The following DGKB variants were observed in gnomAD, a reference collection of about 807,000 sequenced individuals.
DGKB encodes the protein diacylglycerol kinase beta.
DGKB carries 67 observed loss-of-function variants against 114.3 expected under a neutral mutation model. The ratio of observed to expected loss-of-function variants is 0.59; its 90% CI spans 0.48 to 0.72. The LOEUF (loss-of-function observed/expected upper bound fraction) is 0.72, where lower values mean the gene tolerates loss of function less well. DGKB is among the 30% of genes least tolerant of loss of function. The pLI is 0.00. For synonymous variants in DGKB, 398 were observed against 323.1 expected (o/e 1.23, Z -2.49); for missense variants, 907 against 975.2 (o/e 0.93, Z 0.93).
chr7:14,204,803 A>G (rs1786488229), intron 23 of DGKB, among the ~76,000 whole-genome samples: 1 of 152,048 alleles, frequency 6.6e-6, no homozygotes. Context: ...ACGTACGTTC[A>G]TGTAGATCAA....
Position 14,599,820 on chromosome 7 carries a change from T to C in DGKB, c.1433+7614A>G, listed in dbSNP as rs117250626. Reference sequence around the variant, plus strand: ...TTCTTATTTTTACTTATTGGTAAGCTATCATCAGTTAACTGCCTGGGGCTG... The same window carrying C: ...TTCTTATTTTTACTTATTGGTAAGCCATCATCAGTTAACTGCCTGGGGCTG... On this transcript the variant is annotated intron_variant, in intron 17 of 25. Coordinates refer to ENST00000402815, the MANE Select transcript of DGKB (RefSeq NM_001350709.2). Among the ~76,000 whole-genome samples the C allele has an allele frequency of 1.2e-4, 19 of 152,260 alleles. No homozygotes were observed. In the East Asian group the frequency reaches 2.9e-3, roughly 23 times the overall value.
intron 6 of DGKB, among the ~76,000 whole-genome samples, chr7:14,702,007 A>C (rs1200954835): frequency 6.6e-6 from 1 of 152,220 alleles, no homozygotes; most frequent in African/African-American, 2.4e-5. Flanking sequence ...TTACAAGATC[A>C]TTAAATGTCA....
chr7:14,882,668 C>G (rs574368162), intron 1 of DGKB, among the ~76,000 whole-genome samples: 1 of 152,052 alleles, frequency 6.6e-6, no homozygotes, highest in South Asian at 2.1e-4. Context: ...TTAGCACCCA[C>G]TTATGAGTAA....
chr7:14,493,893 C>A (rs1784925449), intron 20 of DGKB, among the ~76,000 whole-genome samples: 1 of 150,480 alleles, frequency 6.6e-6, no homozygotes, highest in Non-Finnish European at 1.5e-5. Flanking sequence ...ATAAAAAAGT[C>A]ATCATAAAAT....
intron 2 of DGKB, chr7:14,813,985 A>T (rs1273217595): frequency 1.3e-5 from 2 of 152,152 alleles, no homozygotes; most frequent in Non-Finnish European, 2.9e-5. Context: ...ATTCAATTTT[A>T]GTAATTGCTA....
intron 3 of DGKB, among the ~76,000 whole-genome samples, chr7:14,757,114 T>A (rs1034273083): frequency 1.3e-5 from 2 of 152,010 alleles, no homozygotes; most frequent in Admixed American, 1.3e-4. Context: ...TTTGTACAAG[T>A]TGGTTCCTTA....
chr7:14,583,711 G>A (rs1800297225), intron 17 of DGKB, among the ~76,000 whole-genome samples: 1 of 152,172 alleles, frequency 6.6e-6, no homozygotes, highest in African/African-American at 2.4e-5. Context: ...GGTTGACAGT[G>A]TTTTCCACCC....
intron 25 of DGKB, among the ~76,000 whole-genome samples, chr7:14,161,765 T>G (rs543761328): frequency 1.4e-4 from 22 of 152,076 alleles, no homozygotes; most frequent in Non-Finnish European, 2.6e-4. Flanking sequence ...TGTATACCTA[T>G]GTAACAAACC....
In DGKB at chr7:14,613,384, A is replaced by C. The variant is rs1476075784; in HGVS notation, c.1314T>G (p.Leu438=). 6.4e-7 allele frequency: 1 copy of C among 1,570,398 alleles called. No individual in the cohort carries two copies. Among genetic ancestry groups the C allele is most frequent in the South Asian group, 1.2e-5 (1 of 85,188 alleles). ...QVTPVPGTHP[L]LVFVNPKSGG... ...CACTTTTGGGGTTCACAAAAACTAA[A>C]AGTGGGTGAGTACCAGGCACAGGAG... Residue 438 remains leucine, a synonymous_variant, in exon 16 of 26, where the codon CTT becomes CTG. Coordinates refer to ENST00000402815, the MANE Select transcript of DGKB (RefSeq NM_001350709.2).
At chr7:14,229,877 A>G (rs1036911923) in intron 23 of DGKB, among the ~76,000 whole-genome samples, 8 of 152,020 alleles carry the variant, frequency 5.3e-5, no homozygotes, top group African/African-American at 1.9e-4. Flanking sequence ...AAAAATAAAT[A>G]TTAGACAAAT....
At chr7:14,970,712 CCT>C (rs1787414890) in intron 1 of DGKB, among the ~76,000 whole-genome samples, 2 of 152,232 alleles carry the variant, frequency 1.3e-5, no homozygotes, top group South Asian at 4.1e-4. Flanking sequence ...TAATTCTCCC[CCT>C]GACTCCCAAA....
intron 1 of DGKB, among the ~76,000 whole-genome samples, chr7:14,916,796 A>G (rs1784258891): frequency 6.6e-6 from 1 of 152,116 alleles, no homozygotes; most frequent in Non-Finnish European, 1.5e-5. Context: ...ACTATATCTA[A>G]TTGACATTTA....
At chr7:14,635,870 A>T (rs1316939758) in intron 13 of DGKB, among the ~76,000 whole-genome samples, 1 of 151,592 alleles carries the variant, frequency 6.6e-6, no homozygotes, top group Non-Finnish European at 1.5e-5. Flanking sequence ...TAAAAACGAG[A>T]GCCAGTTCTA....
intron 1 of DGKB, among the ~76,000 whole-genome samples, chr7:14,966,324 T>A (rs1787146636): frequency 6.6e-6 from 1 of 152,038 alleles, no homozygotes; most frequent in East Asian, 1.9e-4. Context: ...ACTTACTAAA[T>A]AATTTTTAAT....
intron 1 of DGKB, among the ~76,000 whole-genome samples, chr7:14,862,655 T>C (rs1462655461): frequency 6.6e-6 from 1 of 152,114 alleles, no homozygotes; most frequent in East Asian, 1.9e-4. Context: ...CACTATACTC[T>C]GTTGCCTCCC....
intron 21 of DGKB, among the ~76,000 whole-genome samples, chr7:14,392,995 G>GTTTTTGTTTTT: frequency 0.054 from 3,297 of 60,546 alleles, 520 homozygotes; most frequent in African/African-American, 0.15. Flanking sequence ...TTTTGTTTTT[G>GTTTTTGTTTTT]TTTTTTTTTT....
intron 4 of DGKB, among the ~76,000 whole-genome samples, chr7:14,748,276 T>C (rs1447888039): frequency 1.3e-5 from 2 of 152,128 alleles, no homozygotes; most frequent in African/African-American, 4.8e-5. Flanking sequence ...ATGTGCTCAA[T>C]CTACAATGTC....
intron 1 of DGKB, among the ~76,000 whole-genome samples, chr7:14,973,970 A>C (rs2115317778): frequency 6.6e-6 from 1 of 150,920 alleles, no homozygotes; most frequent in Admixed American, 6.6e-5. Flanking sequence ...AAAATATATT[A>C]TTTAAATTAA....
At chr7:14,322,140 G>C (rs1477745411) in intron 23 of DGKB, among the ~76,000 whole-genome samples, 1 of 152,166 alleles carries the variant, frequency 6.6e-6, no homozygotes, top group African/African-American at 2.4e-5. Flanking sequence ...GCCAGATCTG[G>C]CCTGCTGCCT....
Sources: gnomAD v4.1 joint callset for allele counts (sites outside exome capture counted in the v4.1 genomes callset) on GRCh38, gnomAD v4.1.1 for gene constraint, MANE v1.5 for transcripts, NCBI Gene and HGNC (gene_info 2026-07-23, HGNC 2026-07-21) for gene names.